BICDL1: variants seen among roughly 807,000 people sequenced by gnomAD.
The protein encoded by BICDL1 is BICD family-like cargo adapter 1.
In BICDL1, 20 loss-of-function variants were observed where a neutral mutation model predicts 76.8. That is an observed-to-expected ratio of 0.26 (90% CI 0.18 to 0.38). BICDL1 has a LOEUF of 0.38. Among genes scored for constraint, BICDL1 ranks in the 10% least tolerant of loss-of-function variants. BICDL1 has a pLI of 1.00. For missense variants in BICDL1, 700 were observed against 798.6 expected (o/e 0.88, Z 1.49); for synonymous variants, 383 against 337.1 (o/e 1.14, Z -1.49).
At chr12:120,092,556 G>T (rs932591808) in intron 9 of BICDL1, 2 of 985,500 alleles carry the variant, frequency 2.0e-6, no homozygotes, top group South Asian at 9.4e-5. Context: ...CAGGCCATTG[G>T]GCTGGGGAGC....
intron 2 of BICDL1, among the ~76,000 whole-genome samples, chr12:120,042,063 GCAC>G (rs1403196946): frequency 1.3e-5 from 2 of 152,052 alleles, no homozygotes; most frequent in African/African-American, 4.8e-5. Context: ...CAAGTAGGTG[GCAC>G]CACAGTCAGT....
In BICDL1 at chr12:120,093,160, A is replaced by C. The variant is rs748298243; in HGVS notation, c.1865A>C (p.Ter622SerextTer57). 2 of 1,591,738 alleles carry C rather than the reference A, an allele frequency of 1.3e-6. No individual in the cohort carries two copies. Among genetic ancestry groups the C allele is most frequent in the Admixed American group, 1.8e-5 (1 of 55,290 alleles). ...KRLFSFFRKI* is the reference protein window; with the variant it reads ...KRLFSFFRKIS ...CTCTTCTCATTCTTCAGGAAAATTT[A>C]AGTTGGGAGGAGTCAGGCCACCAAA... Residue 622 changes from the stop codon to serine, a stop_lost, in exon 10 of 10, where the codon TAA (stop) becomes TCA (serine). Transcript: ENST00000548673.
chr12:120,048,141 T>C (rs1952784062), intron 2 of BICDL1, among the ~76,000 whole-genome samples: 1 of 152,182 alleles, frequency 6.6e-6, no homozygotes, highest in African/African-American at 2.4e-5. Context: ...CAGTTTTTTT[T>C]CTTTCACCTT....
chr12:120,074,891 C>T (rs999737816), intron 7 of BICDL1, among the ~76,000 whole-genome samples: 5 of 152,208 alleles, frequency 3.3e-5, no homozygotes, highest in African/African-American at 1.2e-4. Context: ...CCTCGGGCTA[C>T]TTATGGGTGC....
At chr12:120,078,118 A>C (rs1041576593) in intron 7 of BICDL1, among the ~76,000 whole-genome samples, 22 of 152,118 alleles carry the variant, frequency 1.4e-4, no homozygotes, top group African/African-American at 5.3e-4. Context: ...TCTCCATGCT[A>C]TTCAGCCTTC....
intron 2 of BICDL1, among the ~76,000 whole-genome samples, chr12:120,048,930 G>A (rs541445746): frequency 6.6e-6 from 1 of 151,924 alleles, no homozygotes; most frequent in Non-Finnish European, 1.5e-5. Context: ...TATTTCTCAA[G>A]GACAGTTTGT....
chr12:120,080,785 AT>A, intron 7 of BICDL1, 101 bp from the exon 8 acceptor site: 2 of 1,355,652 alleles, frequency 1.5e-6, no homozygotes, highest in Non-Finnish European at 2.0e-6. Context: ...ACCCCCACAC[AT>A]GTACCCTGGT....
intron 6 of BICDL1, among the ~76,000 whole-genome samples, chr12:120,072,973 T>C (rs1463209368): frequency 1.3e-5 from 2 of 152,162 alleles, no homozygotes; most frequent in Admixed American, 6.5e-5. Context: ...CAGGTTCAAG[T>C]GATTCTCGTG....
At chr12:120,069,537 C>T (rs1475639579) in intron 4 of BICDL1, among the ~76,000 whole-genome samples, 2 of 152,196 alleles carry the variant, frequency 1.3e-5, no homozygotes, top group Non-Finnish European at 2.9e-5. Context: ...CACTTTTCAC[C>T]TGTGACTCAA....
At chr12:119,998,129 A>G (rs1350810445) in intron 1 of BICDL1, among the ~76,000 whole-genome samples, 2 of 152,260 alleles carry the variant, frequency 1.3e-5, no homozygotes, top group East Asian at 1.9e-4. Flanking sequence ...CCTGGGCGAC[A>G]GAGCAAGACT....
intron 8 of BICDL1, among the ~76,000 whole-genome samples, chr12:120,085,491 G>A (rs975160402): frequency 2.0e-5 from 3 of 152,166 alleles, no homozygotes; most frequent in African/African-American, 7.2e-5. Context: ...GTAAAATGAA[G>A]ATGCTTATCG....
In BICDL1 at chr12:120,076,285, C is replaced by T. The variant is rs529980599; in HGVS notation, c.1452+1699C>T. 2.0e-5 allele frequency among the ~76,000 whole-genome samples: 3 copies of T among 152,316 alleles called. No homozygotes were observed. The South Asian group carries it at 6.2e-4, about 32-fold the overall frequency. On this transcript the variant is annotated intron_variant, in intron 7 of 9. Coordinates refer to ENST00000548673, the MANE Select transcript of BICDL1 (RefSeq NM_001367886.1). ...CCAGAGAGTGATTCAGACTCAGAGA[C>T]AGATCTTCTAAACTGGAAAAATAAA...
At chr12:120,005,118 C>T (rs1334457800) in intron 2 of BICDL1, among the ~76,000 whole-genome samples, 3 of 152,176 alleles carry the variant, frequency 2.0e-5, no homozygotes, top group Non-Finnish European at 4.4e-5. Flanking sequence ...GCCACCGTAC[C>T]TGGCCTATAG....
chr12:120,051,193 A>T (rs769396451), intron 2 of BICDL1, among the ~76,000 whole-genome samples: 12 of 152,028 alleles, frequency 7.9e-5, no homozygotes, highest in Non-Finnish European at 1.8e-4. Context: ...GATTACAGGC[A>T]CACACAACCG....
At chr12:119,997,194 CCTT>C (rs1163857628) in intron 1 of BICDL1, among the ~76,000 whole-genome samples, 7 of 152,198 alleles carry the variant, frequency 4.6e-5, no homozygotes, top group African/African-American at 1.7e-4. Flanking sequence ...GATCTGCCCT[CCTT>C]AGCCTCCCAA....
At chr12:120,072,854 C>T in intron 6 of BICDL1, 125 bp downstream of exon 6, 1 of 815,848 alleles carries the variant, frequency 1.2e-6, no homozygotes, top group South Asian at 1.7e-5. Context: ...AAGAATTCTT[C>T]TGAGCCCTTA....
At chr12:120,021,709 A>G (rs1952186387) in intron 2 of BICDL1, among the ~76,000 whole-genome samples, 1 of 151,298 alleles carries the variant, frequency 6.6e-6, no homozygotes, top group Non-Finnish European at 1.5e-5. Flanking sequence ...GTTGGAGATC[A>G]ACCTGGCTAA....
chr12:119,989,981 C>T lies in BICDL1; in HGVS notation c.113C>T (p.Ala38Val). The T allele has an allele frequency of 5.5e-6, 8 of 1,467,626 alleles. No homozygotes were observed. The highest frequency in any genetic ancestry group is 2.7e-5 in the Admixed American group (1 of 36,722). The allele number at this position is 1,467,626 out of a possible 1,614,324, so 90.9% of individuals were successfully genotyped here. Residue 38 changes from alanine to valine, a missense_variant, in exon 1 of 10, where the codon GCC becomes GTC. Ala to Val is a moderately conservative substitution (Grantham distance 64). Coordinates refer to ENST00000548673, the MANE Select transcript of BICDL1 (RefSeq NM_001367886.1). ...GCCGGGGACGCAGTCCGGAGTCCCGCCGCCGCCGCCGCCCTCATCTTCCCC... is the reference window on the plus strand; with the variant it reads ...GCCGGGGACGCAGTCCGGAGTCCCGTCGCCGCCGCCGCCCTCATCTTCCCC... ...AAAGDAVRSP[A>V]AAAALIFPGG...
At chr12:119,996,829 C>G (rs1216806501) in intron 1 of BICDL1, among the ~76,000 whole-genome samples, 4 of 152,172 alleles carry the variant, frequency 2.6e-5, no homozygotes, top group African/African-American at 9.7e-5. Flanking sequence ...AGGACCATCA[C>G]TTTCACTTAG....
Sources: gnomAD v4.1 joint callset for allele counts (sites outside exome capture counted in the v4.1 genomes callset) on GRCh38, gnomAD v4.1.1 for gene constraint, MANE v1.5 for transcripts, NCBI Gene and HGNC (gene_info 2026-07-23, HGNC 2026-07-21) for gene names.